Variants in CACHD1 observed in about 807,000 individuals in gnomAD.
CACHD1 encodes cache domain containing 1.
CACHD1 carries 71 observed loss-of-function variants against 138.7 expected under a neutral mutation model. That is an observed-to-expected ratio of 0.51 (90% CI 0.42 to 0.62). The LOEUF is 0.62. CACHD1 is among the 20% of genes least tolerant of loss of function. CACHD1 has a pLI of 0.00. For missense variants in CACHD1, 1,389 were observed against 1,625.3 expected (o/e 0.85, Z 2.50); for synonymous variants, 578 against 591.5 (o/e 0.98, Z 0.33).
chr1:64,596,807 T>A (rs1647156621), intron 3 of CACHD1, among the ~76,000 whole-genome samples: 1 of 152,222 alleles, frequency 6.6e-6, no homozygotes, highest in Non-Finnish European at 1.5e-5. Flanking sequence ...TATCATTACA[T>A]TGGCTTTGTG....
chr1:64,611,333 T>C (rs1647526958), intron 4 of CACHD1, among the ~76,000 whole-genome samples: 1 of 152,236 alleles, frequency 6.6e-6, no homozygotes, highest in Non-Finnish European at 1.5e-5. Flanking sequence ...AATGGGTTTT[T>C]CTTTTCTACC....
chr1:64,595,686 A>G (rs1359664139), intron 3 of CACHD1, among the ~76,000 whole-genome samples: 1 of 152,212 alleles, frequency 6.6e-6, no homozygotes, highest in Non-Finnish European at 1.5e-5. Context: ...TCACCTGTGC[A>G]ATTTTCCAAG....
intron 3 of CACHD1, among the ~76,000 whole-genome samples, chr1:64,592,908 T>C (rs1429698632): frequency 1.3e-5 from 2 of 152,058 alleles, no homozygotes; most frequent in East Asian, 3.9e-4. Flanking sequence ...AGTGTCAAAA[T>C]AGGGATGTAC....
intron 2 of CACHD1, among the ~76,000 whole-genome samples, chr1:64,578,051 A>T (rs561404227): frequency 6.6e-5 from 10 of 152,198 alleles, no homozygotes; most frequent in Admixed American, 1.3e-4. Context: ...ACCTTTTAAC[A>T]TTCTGCTCTT....
intron 4 of CACHD1, among the ~76,000 whole-genome samples, chr1:64,616,234 C>A (rs1336837337): frequency 1.3e-5 from 2 of 152,180 alleles, no homozygotes; most frequent in African/African-American, 4.8e-5. Flanking sequence ...GTTACCTAAT[C>A]TTGAGACCCA....
intron 1 of CACHD1, among the ~76,000 whole-genome samples, chr1:64,499,196 G>C (rs1646323868): frequency 6.6e-6 from 1 of 152,158 alleles, no homozygotes; most frequent in Non-Finnish European, 1.5e-5. Flanking sequence ...TCCCAGACTG[G>C]ATGATGTTTA....
chr1:64,553,397 C>G (rs535143486), intron 2 of CACHD1, among the ~76,000 whole-genome samples: 2 of 152,296 alleles, frequency 1.3e-5, no homozygotes, highest in East Asian at 3.9e-4. Flanking sequence ...ATGTTTACCT[C>G]GTATGTTTCC....
At chr1:64,532,231 T>A (rs1646592854) in intron 1 of CACHD1, among the ~76,000 whole-genome samples, 1 of 152,154 alleles carries the variant, frequency 6.6e-6, no homozygotes, top group East Asian at 1.9e-4. Flanking sequence ...CAGTGGGGTA[T>A]GGCTGACTCA....
intron 9 of CACHD1, among the ~76,000 whole-genome samples, chr1:64,649,244 C>T (rs548598401): frequency 2.0e-5 from 3 of 152,196 alleles, no homozygotes; most frequent in Admixed American, 6.5e-5. Flanking sequence ...TCACCCCGGC[C>T]GGAGTGCAGT....
chr1:64,681,741 T>C (rs1337495727), intron 25 of CACHD1, among the ~76,000 whole-genome samples: 1 of 152,058 alleles, frequency 6.6e-6, no homozygotes. Context: ...CAAAAGAGAT[T>C]TCCATTAGTG....
intron 3 of CACHD1, among the ~76,000 whole-genome samples, chr1:64,590,497 G>C (rs139790113): frequency 1.3e-5 from 2 of 151,966 alleles, no homozygotes; most frequent in African/African-American, 4.8e-5. Flanking sequence ...TATTATTGAC[G>C]TCATATGAGC....
chr1:64,530,922 TG>T (rs746045197), intron 1 of CACHD1, among the ~76,000 whole-genome samples: 13,635 of 56,294 alleles, frequency 0.24, 1,088 homozygotes, highest in African/African-American at 0.33. Context: ...CATTCCATCG[TG>T]TTTTTTTTTG....
At chr1:64,685,666 C>T (rs1650344054) in intron 26 of CACHD1, among the ~76,000 whole-genome samples, 2 of 151,690 alleles carry the variant, frequency 1.3e-5, no homozygotes, top group African/African-American at 4.8e-5. Context: ...ATGGTGAGAC[C>T]CTGTCTCTAC....
chr1:64,498,076 G>A (rs1218621724), intron 1 of CACHD1, among the ~76,000 whole-genome samples: 1 of 152,190 alleles, frequency 6.6e-6, no homozygotes, highest in African/African-American at 2.4e-5. Context: ...GCAGTGAGCT[G>A]AGATCGTGCC....
intron 2 of CACHD1, among the ~76,000 whole-genome samples, chr1:64,566,489 C>A (rs1370454960): frequency 4.2e-5 from 6 of 143,198 alleles, no homozygotes; most frequent in East Asian, 4.2e-4. Flanking sequence ...TCCCCCCCCC[C>A]CACAAGGTAT....
chr1:64,655,677 G>A (rs1649238834), intron 12 of CACHD1, among the ~76,000 whole-genome samples: 1 of 152,184 alleles, frequency 6.6e-6, no homozygotes, highest in South Asian at 2.1e-4. Flanking sequence ...CATAGAGAAA[G>A]CGTATCTAAC....
chr1:64,477,107 A>G (rs1314244387), intron 1 of CACHD1, among the ~76,000 whole-genome samples: 1 of 152,206 alleles, frequency 6.6e-6, no homozygotes, highest in Non-Finnish European at 1.5e-5. Context: ...TTTGTATTTC[A>G]TGTAGCTAAT....
chr1:64,597,651 C>T (rs1171358591), intron 3 of CACHD1, among the ~76,000 whole-genome samples: 1 of 147,376 alleles, frequency 6.8e-6, no homozygotes, highest in Non-Finnish European at 1.5e-5. Context: ...GTTATAGAGT[C>T]AGGGTCTAAA....
chr1:64,509,318 A>G (rs1646401252), intron 1 of CACHD1, among the ~76,000 whole-genome samples: 2 of 152,320 alleles, frequency 1.3e-5, no homozygotes, highest in South Asian at 4.1e-4. Context: ...CAGACTTGTT[A>G]ATAACAAGTT....
Sources: allele counts gnomAD v4.1 joint callset (sites outside exome capture counted in the v4.1 genomes callset), GRCh38; gene constraint gnomAD v4.1.1; transcripts MANE v1.5; gene names NCBI Gene and HGNC (gene_info 2026-07-23, HGNC 2026-07-21).